Variants in FOXL3 observed in about 807,000 individuals in gnomAD.
The protein encoded by FOXL3 is forkhead box L3, also known as forkhead box protein L3.
In FOXL3, 16 loss-of-function variants were observed where a neutral mutation model predicts 10.9. That is an observed-to-expected ratio of 1.46 (90% CI 0.99 to 2.22). The LOEUF (loss-of-function observed/expected upper bound fraction) is 2.22, where lower values mean the gene tolerates loss of function less well. Ranked by LOEUF, FOXL3 falls within the 30% of genes most tolerant of loss-of-function variation. The pLI is 0.00. For synonymous variants in FOXL3, 170 were observed against 152.0 expected, an observed-to-expected ratio of 1.12 and a Z score of -0.87; for missense variants, 400 against 337.9, an observed-to-expected ratio of 1.18 and a Z score of -1.44.
Position 291,168 on chromosome 7 carries a change from C to T in FOXL3, c.382C>T (p.Arg128Trp). ...CTTCGAGAACGGCAACTACCGGCGG[C>T]GGCGGCGGCGGCGCGGCCCCAAGCG... Reference protein sequence around the residue: ...DLFENGNYRRRRRRRGPKREG... With the variant: ...DLFENGNYRRWRRRRGPKREG... The change falls in exon 3 of 3, where the codon CGG (arginine) becomes TGG (tryptophan). Residue 128 changes from arginine to tryptophan, a missense_variant. Arg to Trp is a moderately radical substitution (Grantham distance 101). Coordinates refer to ENST00000506382, the MANE Select transcript of FOXL3 (RefSeq NM_001374838.1). 7.0e-6 allele frequency: 9 copies of T among 1,278,592 alleles called. No individual in the cohort carries two copies. The highest frequency in any genetic ancestry group is 8.9e-6 in the Non-Finnish European group (9 of 1,011,590). 79.2% of individuals were successfully genotyped at this position (1,278,592 alleles called of 1,614,324 possible).
At chr7:290,606 C>CG (rs1188788581) in intron 1 of FOXL3, 47 bp from the exon 2 acceptor site, 6 of 1,407,472 alleles carry the variant, frequency 4.3e-6, no homozygotes, top group Non-Finnish European at 5.5e-6. Context: ...GGGGGAAGGA[C>CG]GGGGGGCTGC....
Position 291,109 on chromosome 7 carries a change from C to T in FOXL3, c.323C>T (p.Thr108Met). 1 of 1,416,500 alleles carries T rather than the reference C, an allele frequency of 7.1e-7. No homozygotes were observed. The highest frequency in any genetic ancestry group is 9.2e-7 in the Non-Finnish European group (1 of 1,086,270). 87.7% of individuals were successfully genotyped at this position (1,416,500 alleles called of 1,614,324 possible). Residue 108 changes from threonine (T) to methionine (M), a missense_variant, in exon 3 of 3, where the codon ACG becomes ATG. Physicochemically the swap from Thr to Met is moderately conservative, Grantham distance 81. Coordinates refer to ENST00000506382, the MANE Select transcript of FOXL3 (RefSeq NM_001374838.1). ...GHEKGKGNYWTFAGGCESLLD... is the reference protein window; with the variant it reads ...GHEKGKGNYWMFAGGCESLLD... ...GAGAAGGGCAAAGGCAACTACTGGA[C>T]GTTCGCGGGCGGCTGCGAGTCGCTG... is the stretch of plus-strand genomic sequence containing the variant.
Position 290,192 on chromosome 7 carries a change from C to T in FOXL3, c.23C>T (p.Pro8Leu), listed in dbSNP as rs1562414689. The change falls in exon 1 of 3, where the codon CCC becomes CTC. Residue 8 changes from proline (P) to leucine (L), a missense_variant. Coordinates refer to ENST00000506382, the MANE Select transcript of FOXL3 (RefSeq NM_001374838.1). MFDSSQY[P>L]YNCFNYDADD... is the part of the protein sequence containing the mutation. ...AGGATGTTTGACAGCTCGCAGTATCCCTACAACTGCTTCAATTACGACGCC... is the reference window on the plus strand; with the variant it reads ...AGGATGTTTGACAGCTCGCAGTATCTCTACAACTGCTTCAATTACGACGCC... The T allele has an allele frequency of 3.9e-6, 6 of 1,535,778 alleles. No individual in the cohort carries two copies. Among genetic ancestry groups the T allele is most frequent in the Non-Finnish European group, 5.2e-6 (6 of 1,146,620 alleles).
At position 291,077 on chromosome 7, in the gene FOXL3, G is replaced by T. The variant is rs1366147947; in HGVS notation, c.291G>T (p.Glu97Asp). The T allele has an allele frequency of 3.5e-6, 5 of 1,415,606 alleles. No individual in the cohort carries two copies. In the Admixed American group the frequency reaches 1.5e-4, roughly 42 times the overall value. 87.7% of individuals were successfully genotyped at this position (1,415,606 alleles called of 1,614,324 possible). A position where few individuals can be genotyped will look rare whatever the true frequency, so the allele number is the denominator to read the frequency against. The change falls in exon 3 of 3, where the codon GAG (glutamate) becomes GAT (aspartate). Residue 97 changes from glutamate to aspartate, a missense_variant. Glu to Asp is a conservative substitution (Grantham distance 45). Transcript: ENST00000506382. The stretch of plus-strand genomic sequence containing the variant: ...CGCGCGCGCAGGTGCCGCGGTCCGA[G>T]GGCCACGAGAAGGGCAAAGGCAACT... ...NSCFVKVPRS[E>D]GHEKGKGNYW...
At chr7:290,595 G>T (rs1414377731) in intron 1 of FOXL3, 58 bp from the exon 2 acceptor site, 27 of 1,391,302 alleles carry the variant, frequency 1.9e-5, no homozygotes, top group African/African-American at 4.4e-5. Context: ...CCTGCGGGAT[G>T]GGGGGAAGGA....
chr7:290,900 G>A (rs972235341), intron 2 of FOXL3, 79 bp downstream of exon 2: 1 of 1,319,646 alleles, frequency 7.6e-7, no homozygotes, highest in East Asian at 3.1e-5. Flanking sequence ...GGGGAAGGGA[G>A]GGCACCGCGG....
chr7:290,549 A>C (rs1242935047), intron 1 of FOXL3, 104 bp from the exon 2 acceptor site: 230 of 1,173,210 alleles, frequency 2.0e-4, no homozygotes, highest in Non-Finnish European at 2.4e-4. Flanking sequence ...TTTCCCCAAC[A>C]CCGCCTCGCT....
Position 291,245 on chromosome 7 carries a change from G to A in FOXL3, c.459G>A (p.Pro153=). 3 of 1,167,138 alleles carry A rather than the reference G, an allele frequency of 2.6e-6. No individual in the cohort carries two copies. The highest frequency in any genetic ancestry group is 8.4e-5 in the South Asian group (2 of 23,836). 72.3% of individuals were successfully genotyped at this position (1,167,138 alleles called of 1,614,324 possible). The change falls in exon 3 of 3, where the codon CCG becomes CCA. Residue 153 remains proline, a synonymous_variant. Coordinates refer to ENST00000506382, the MANE Select transcript of FOXL3 (RefSeq NM_001374838.1). ...GGGGCGCCCAGGGGCCGTCGGGTCC[G>A]TCCGAGCCGCCCGCCGCTCAGGGGC... ...RAGGAQGPSG[P]SEPPAAQGRL... is the part of the protein sequence containing the mutation.
chr7:290,519 A>G, intron 1 of FOXL3, 134 bp from the exon 2 acceptor site: 1 of 970,198 alleles, frequency 1.0e-6, no homozygotes, highest in Admixed American at 3.0e-5. Flanking sequence ...GGCGCCGGGG[A>G]CCGCGAGCTG....
At position 291,222 on chromosome 7, in the gene FOXL3, G is replaced by T. The variant is rs1778641168; in HGVS notation, c.436G>T (p.Gly146Cys). 6 of 1,159,160 alleles carry T rather than the reference G, an allele frequency of 5.2e-6. No homozygotes were observed. Among genetic ancestry groups the T allele is most frequent in the Non-Finnish European group, 6.4e-6 (6 of 942,246 alleles). 71.8% of individuals were successfully genotyped at this position (1,159,160 alleles called of 1,614,324 possible). A position where few individuals can be genotyped will look rare whatever the true frequency, so the allele number is the denominator to read the frequency against. The change falls in exon 3 of 3, where the codon GGC (glycine) becomes TGC (cysteine). Residue 146 changes from glycine to cysteine, a missense_variant. Transcript: ENST00000506382. ...GGGGCCGAGGGGTCCGCGCGCGGGG[G>T]GCGCCCAGGGGCCGTCGGGTCCGTC... is the stretch of plus-strand genomic sequence containing the variant. ...REGPRGPRAGGAQGPSGPSEP... is the reference protein window; with the variant it reads ...REGPRGPRAGCAQGPSGPSEP...
At chr7:290,947 G>A (rs1472902309) in intron 2 of FOXL3, 116 bp from the exon 3 acceptor site, 7 of 1,269,068 alleles carry the variant, frequency 5.5e-6, no homozygotes, top group African/African-American at 1.6e-5. Context: ...CCACGGGGCC[G>A]CCTCCACCTG....
Position 291,223 on chromosome 7 carries a change from G to A in FOXL3, c.437G>A (p.Gly146Asp), listed in dbSNP as rs1778641218. The change falls in exon 3 of 3, where the codon GGC becomes GAC. Residue 146 changes from glycine to aspartate, a missense_variant. By Grantham distance (94) the Gly-to-Asp change is moderately conservative. Coordinates refer to ENST00000506382, the MANE Select transcript of FOXL3 (RefSeq NM_001374838.1). ...REGPRGPRAG[G>D]AQGPSGPSEP... is the part of the protein sequence containing the mutation. ...GGGCCGAGGGGTCCGCGCGCGGGGG[G>A]CGCCCAGGGGCCGTCGGGTCCGTCC... 6.0e-6 allele frequency: 7 copies of A among 1,159,322 alleles called. No individual in the cohort carries two copies. In the South Asian group the frequency reaches 2.1e-4, roughly 35 times the overall value. The allele number at this position is 1,159,322 out of a possible 1,614,324, so 71.8% of individuals were successfully genotyped here.
rs1583366431 is a variant in FOXL3 at position 291,062 on chromosome 7, G to A, written c.277-1G>A. ...CCCAGCCCCTCCCTCCGCGCGCGCA[G>A]GTGCCGCGGTCCGAGGGCCACGAGA... On this transcript the variant is annotated splice_acceptor_variant, in intron 2 of 2. Transcript: ENST00000506382. LOFTEE classifies it high-confidence loss of function. 1.4e-6 allele frequency: 2 copies of A among 1,394,176 alleles called. No homozygotes were observed. The highest frequency in any genetic ancestry group is 1.9e-6 in the Non-Finnish European group (2 of 1,077,818). The allele number at this position is 1,394,176 out of a possible 1,614,324, so 86.4% of individuals were successfully genotyped here.
At position 291,206 on chromosome 7, in the gene FOXL3, G is replaced by A. The variant is rs1778640477; in HGVS notation, c.420G>A (p.Arg140=). The change falls in exon 3 of 3, where the codon AGG becomes AGA. Residue 140 remains arginine (R), a synonymous_variant. Coordinates refer to ENST00000506382, the MANE Select transcript of FOXL3 (RefSeq NM_001374838.1). ...RRRGPKREGP[R]GPRAGGAQGP... ...GCGGCCCCAAGCGCGAGGGGCCGAGGGGTCCGCGCGCGGGGGGCGCCCAGG... is the reference window on the plus strand; with the variant it reads ...GCGGCCCCAAGCGCGAGGGGCCGAGAGGTCCGCGCGCGGGGGGCGCCCAGG... 3.4e-6 allele frequency: 4 copies of A among 1,176,022 alleles called. No individual in the cohort carries two copies. 72.8% of individuals were successfully genotyped at this position (1,176,022 alleles called of 1,614,324 possible).
chr7:290,469 G>GGTGACCCTGTCC (rs1778616477), intron 1 of FOXL3, among the ~76,000 whole-genome samples, 184 bp from the exon 2 acceptor site: 1 of 152,166 alleles, frequency 6.6e-6, no homozygotes. Flanking sequence ...TCGCGGGGAG[G>GGTGACCCTGTCC]GGCCTCCGCA....
chr7:290,244 C>T lies in FOXL3; in HGVS notation c.75C>T (p.Asp25=), dbSNP rs1366997234. Residue 25 remains aspartate, a synonymous_variant, in exon 1 of 3, where the codon GAC becomes GAT. Transcript: ENST00000506382. ...ACGACTACCCCGCCGGCAGCTCCGA[C>T]GAAGACAAGAGGCTCACGCGGCCCG... The part of the protein sequence containing the change: ...DADDYPAGSS[D]EDKRLTRPAY... 14 of 1,535,992 alleles carry T rather than the reference C, an allele frequency of 9.1e-6. No homozygotes were observed. Among genetic ancestry groups the T allele is most frequent in the African/African-American group, 1.4e-5 (1 of 73,182 alleles).
rs1025649044 is a variant in FOXL3 at position 291,251 on chromosome 7, G to T, written c.465G>T (p.Glu155Asp). The change falls in exon 3 of 3, where the codon GAG (glutamate) becomes GAT (aspartate). Residue 155 changes from glutamate to aspartate, a missense_variant. Transcript: ENST00000506382. ...GGAQGPSGPSEPPAAQGRLAP... is the reference protein window; with the variant it reads ...GGAQGPSGPSDPPAAQGRLAP... Reference sequence around the variant, plus strand: ...CCCAGGGGCCGTCGGGTCCGTCCGAGCCGCCCGCCGCTCAGGGGCGCCTGG... The same window carrying T: ...CCCAGGGGCCGTCGGGTCCGTCCGATCCGCCCGCCGCTCAGGGGCGCCTGG... 1.8e-4 allele frequency: 213 copies of T among 1,172,842 alleles called. No homozygotes were observed. Among genetic ancestry groups the T allele is most frequent in the Non-Finnish European group, 2.2e-4 (210 of 950,240 alleles). The allele number at this position is 1,172,842 out of a possible 1,614,324, so 72.7% of individuals were successfully genotyped here.
chr7:290,240 C>G lies in FOXL3; in HGVS notation c.71C>G (p.Ser24Cys). 6.5e-7 allele frequency: 1 copy of G among 1,535,978 alleles called. No individual in the cohort carries two copies. The highest frequency in any genetic ancestry group is 8.7e-7 in the Non-Finnish European group (1 of 1,146,794). Reference protein sequence around the residue: ...YDADDYPAGSSDEDKRLTRPA... With the variant: ...YDADDYPAGSCDEDKRLTRPA... ...GCCGACGACTACCCCGCCGGCAGCT[C>G]CGACGAAGACAAGAGGCTCACGCGG... Residue 24 changes from serine (S) to cysteine (C), a missense_variant, in exon 1 of 3, where the codon TCC becomes TGC. Physicochemically the swap from Ser to Cys is moderately radical, Grantham distance 112. Coordinates refer to ENST00000506382, the MANE Select transcript of FOXL3 (RefSeq NM_001374838.1).
At chr7:290,955 C>T (rs1184759931) in intron 2 of FOXL3, 108 bp from the exon 3 acceptor site, 6 of 1,273,990 alleles carry the variant, frequency 4.7e-6, no homozygotes, top group Non-Finnish European at 6.0e-6. Context: ...CCGCCTCCAC[C>T]TGCGCAGTGC....
Sources: allele counts gnomAD v4.1 joint callset (sites outside exome capture counted in the v4.1 genomes callset), GRCh38; gene constraint gnomAD v4.1.1; transcripts MANE v1.5; gene names NCBI Gene and HGNC (gene_info 2026-07-23, HGNC 2026-07-21).